The following SNTG2 variants were observed in gnomAD, a reference collection of about 807,000 sequenced individuals.
SNTG2 encodes the protein syntrophin gamma 2.
A neutral mutation model predicts 70.9 loss-of-function variants in SNTG2; 74 were observed. That is an observed-to-expected ratio of 1.04 (90% CI 0.86 to 1.27). The LOEUF (loss-of-function observed/expected upper bound fraction) is 1.27, where lower values mean the gene tolerates loss of function less well. Ranked by LOEUF, SNTG2 falls within the 50% of genes most tolerant of loss-of-function variation. SNTG2 has a pLI of 0.00. For synonymous variants in SNTG2, 278 were observed against 273.8 expected (o/e 1.02, Z -0.15); for missense variants, 717 against 690.7 (o/e 1.04, Z -0.43).
intron 14 of SNTG2, among the ~76,000 whole-genome samples, chr2:1,273,599 G>GA (rs1413313608): frequency 2.7e-5 from 4 of 149,698 alleles, no homozygotes; most frequent in Admixed American, 1.3e-4. Flanking sequence ...GCCTATATAC[G>GA]AAAAAAAGAA....
chr2:956,744 G>A (rs1475079919), intron 1 of SNTG2, among the ~76,000 whole-genome samples: 1 of 152,260 alleles, frequency 6.6e-6, no homozygotes, highest in Admixed American at 6.5e-5. Context: ...GCTGACCCAT[G>A]TGTCAGTTGA....
intron 1 of SNTG2, among the ~76,000 whole-genome samples, chr2:1,054,120 C>T (rs1293374962): frequency 2.0e-5 from 3 of 152,204 alleles, no homozygotes; most frequent in Non-Finnish European, 2.9e-5. Flanking sequence ...TGGGGCACTG[C>T]GGACCCGTGT....
chr2:1,278,700 A>C (rs986853237), intron 14 of SNTG2, among the ~76,000 whole-genome samples: 4 of 152,230 alleles, frequency 2.6e-5, no homozygotes, highest in African/African-American at 9.6e-5. Flanking sequence ...AGAGCAAAGA[A>C]AACCCAAGTG....
rs550863794 is a variant in SNTG2 at position 1,328,860 on chromosome 2, TACAC to T, written c.1488+12491_1488+12494del. Among the ~76,000 whole-genome samples, 242 of 151,498 alleles carry T rather than the reference TACAC, an allele frequency of 1.6e-3. 1 individual carries two copies. The Middle Eastern group carries it at 0.027, about 17-fold the overall frequency. ...ACATACACATACACACACAGATGCA[TACAC>T]ACACATACACATGCACACGCATACA... On this transcript the variant is annotated intron_variant, in intron 16 of 16. Coordinates refer to ENST00000308624, the MANE Select transcript of SNTG2 (RefSeq NM_018968.4).
chr2:1,276,696 T>G (rs1157912291), intron 14 of SNTG2, among the ~76,000 whole-genome samples: 4 of 152,232 alleles, frequency 2.6e-5, no homozygotes, highest in Non-Finnish European at 5.9e-5. Flanking sequence ...ATTTTGACTG[T>G]CGAGTTTTAT....
chr2:1,360,462 G>A (rs55795701), intron 16 of SNTG2, among the ~76,000 whole-genome samples: 109,332 of 151,620 alleles, frequency 0.72, 39,702 homozygotes, highest in East Asian at 0.94. Context: ...TAGAAGGAAG[G>A]TATAGGGTGG....
chr2:1,293,281 T>A (rs1045218993), intron 14 of SNTG2, among the ~76,000 whole-genome samples: 3 of 152,154 alleles, frequency 2.0e-5, no homozygotes, highest in Non-Finnish European at 4.4e-5. Flanking sequence ...ATTGCCATTT[T>A]AAAAAATATT....
chr2:1,197,659 C>T (rs2147958269), intron 8 of SNTG2, among the ~76,000 whole-genome samples: 1 of 151,696 alleles, frequency 6.6e-6, no homozygotes, highest in Middle Eastern at 3.4e-3. Context: ...CACCTCCTCC[C>T]AAGTATCTGG....
intron 16 of SNTG2, among the ~76,000 whole-genome samples, chr2:1,357,614 G>T (rs4613330): frequency 6.6e-6 from 1 of 151,898 alleles, no homozygotes; most frequent in African/African-American, 2.4e-5. Flanking sequence ...TTTAATGTTT[G>T]GTAGAATTCC....
intron 1 of SNTG2, among the ~76,000 whole-genome samples, chr2:1,063,629 G>C (rs905350617): frequency 6.6e-6 from 1 of 152,148 alleles, no homozygotes; most frequent in Admixed American, 6.6e-5. Flanking sequence ...AATTCAAGCA[G>C]AAAGGTTATT....
At chr2:1,237,017 A>G (rs1676705385) in intron 9 of SNTG2, among the ~76,000 whole-genome samples, 1 of 148,174 alleles carries the variant, frequency 6.7e-6, no homozygotes, top group East Asian at 2.0e-4. Context: ...ATCTCGGCTC[A>G]CTGCAACCTC....
chr2:1,225,785 T>C (rs531587940), intron 9 of SNTG2, among the ~76,000 whole-genome samples: 9 of 152,330 alleles, frequency 5.9e-5, no homozygotes, highest in South Asian at 2.1e-4. Context: ...AAAGTGCAGA[T>C]GCTCAGGGAT....
At chr2:1,360,376 G>C (rs1350545087) in intron 16 of SNTG2, among the ~76,000 whole-genome samples, 1 of 152,184 alleles carries the variant, frequency 6.6e-6, no homozygotes, top group African/African-American at 2.4e-5. Flanking sequence ...GGAGGATCTT[G>C]TATGAAGCCT....
intron 6 of SNTG2, among the ~76,000 whole-genome samples, chr2:1,146,040 A>G (rs1558454122): frequency 6.6e-6 from 1 of 152,182 alleles, no homozygotes; most frequent in Non-Finnish European, 1.5e-5. Context: ...AACAGTAGAG[A>G]AGGACCTCCT....
chr2:958,889 A>G (rs1299875477), intron 1 of SNTG2, among the ~76,000 whole-genome samples: 1 of 152,210 alleles, frequency 6.6e-6, no homozygotes, highest in African/African-American at 2.4e-5. Context: ...ATAGTACGAT[A>G]TCTAAAACAA....
At chr2:1,057,975 T>C (rs1207624836) in intron 1 of SNTG2, among the ~76,000 whole-genome samples, 1 of 152,070 alleles carries the variant, frequency 6.6e-6, no homozygotes, top group Non-Finnish European at 1.5e-5. Context: ...TGCAGTGAGC[T>C]GAGATGGCGC....
chr2:1,124,050 A>C (rs13418489), intron 4 of SNTG2, among the ~76,000 whole-genome samples: 179 of 151,948 alleles, frequency 1.2e-3, no homozygotes, highest in African/African-American at 4.2e-3. Context: ...TTTAAGTTCT[A>C]TTGCACAGTG....
intron 14 of SNTG2, among the ~76,000 whole-genome samples, chr2:1,307,099 C>T (rs560367690): frequency 2.7e-4 from 37 of 138,332 alleles, no homozygotes; most frequent in Middle Eastern, 9.9e-3. Flanking sequence ...GAACCATGCA[C>T]TGTGTGTGTG....
chr2:1,283,740 G>A (rs1244907098), intron 14 of SNTG2, among the ~76,000 whole-genome samples: 1 of 152,162 alleles, frequency 6.6e-6, no homozygotes, highest in African/African-American at 2.4e-5. Flanking sequence ...TCACACAGTA[G>A]GTATGCCCGG....
Sources: gnomAD v4.1 joint callset for allele counts (sites outside exome capture counted in the v4.1 genomes callset) on GRCh38, gnomAD v4.1.1 for gene constraint, MANE v1.5 for transcripts, NCBI Gene and HGNC (gene_info 2026-07-23, HGNC 2026-07-21) for gene names.